Variants in C1orf52 observed in about 807,000 individuals in gnomAD.
C1orf52 encodes the protein chromosome 1 open reading frame 52, also known as UPF0690 protein C1orf52.
Under a neutral mutation model 17.2 loss-of-function variants are expected in C1orf52, and 5 were observed. That is an observed-to-expected ratio of 0.29 (90% CI 0.15 to 0.61). The LOEUF is 0.61. C1orf52 is among the 20% of genes least tolerant of loss of function. C1orf52 has a pLI of 0.85. For synonymous variants in C1orf52, 110 were observed against 88.0 expected (o/e 1.25, Z -1.40); for missense variants, 245 against 234.1 (o/e 1.05, Z -0.30).
At chr1:85,259,076 G>GT in intron 1 of C1orf52, 1 of 1,345,474 alleles carries the variant, frequency 7.4e-7, no homozygotes, top group Non-Finnish European at 9.6e-7. Flanking sequence ...AGCGGGGGGG[G>GT]CGGGGGAGTC....
intron 2 of C1orf52, among the ~76,000 whole-genome samples, chr1:85,256,798 CAAAAAAAA>C (rs1159075154): frequency 2.1e-5 from 2 of 93,750 alleles, no homozygotes; most frequent in African/African-American, 4.0e-5. Flanking sequence ...GACTCCGCCT[CAAAAAAAA>C]AAAAAAAAAA....
At chr1:85,256,812 A>AG (rs1390971944) in intron 2 of C1orf52, among the ~76,000 whole-genome samples, 11 of 148,066 alleles carry the variant, frequency 7.4e-5, no homozygotes, top group African/African-American at 1.7e-4. Context: ...AAAAAAAAAA[A>AG]AAAAAAGAAA....
Position 85,252,425 on chromosome 1 carries a change from A to G in C1orf52, c.*204T>C. On this transcript the variant is annotated 3_prime_UTR_variant, in exon 3 of 3. Transcript: ENST00000471115. ...CAAGTGTTATCAATTTCACAATCAC[A>G]AGTCACCAGTTGAGTTTTAAATACA... 1 of 490,544 alleles carries G rather than the reference A, an allele frequency of 2.0e-6. No homozygotes were observed. 30.4% of individuals were successfully genotyped at this position (490,544 alleles called of 1,614,324 possible). A position where few individuals can be genotyped will look rare whatever the true frequency, so the allele number is the denominator to read the frequency against.
intron 2 of C1orf52, among the ~76,000 whole-genome samples, chr1:85,258,184 T>C (rs11811123): frequency 4.0e-3 from 605 of 152,182 alleles, no homozygotes; most frequent in African/African-American, 0.014. Flanking sequence ...CAGTACTTTG[T>C]AGCTACAGTC....
chr1:85,259,614 T>G lies in C1orf52; in HGVS notation c.20A>C (p.Asp7Ala), dbSNP rs1279956782. 3.5e-5 allele frequency: 54 copies of G among 1,565,056 alleles called. No individual in the cohort carries two copies. The highest frequency in any genetic ancestry group is 3.4e-5 in the Non-Finnish European group (39 of 1,155,108). MAAEEK[D>A]PLSYFAAYGS... is the part of the protein sequence containing the mutation. ...GTATGCCGCAAAATAGCTCAGAGGG[T>G]CCTTCTCCTCCGCTGCCATGACGGC... Residue 7 changes from aspartate to alanine, a missense_variant, in exon 1 of 3, where the codon GAC (aspartate) becomes GCC (alanine). Asp to Ala is a moderately radical substitution (Grantham distance 126). Coordinates refer to ENST00000471115, the MANE Select transcript of C1orf52 (RefSeq NM_198077.4).
rs1436175950 is a variant in C1orf52 at position 85,250,575 on chromosome 1, G to A, written c.*2054C>T. 1 of 152,166 alleles carries A rather than the reference G, an allele frequency of 6.6e-6. No individual in the cohort carries two copies. Among genetic ancestry groups the A allele is most frequent in the Non-Finnish European group, 1.5e-5 (1 of 68,034 alleles). 9.4% of individuals were successfully genotyped at this position (152,166 alleles called of 1,614,324 possible). A position where few individuals can be genotyped will look rare whatever the true frequency, so the allele number is the denominator to read the frequency against. ...AGATACAAATGGCTGAGTCAGACTT[G>A]CTCCAAAATATTTAGCCTCTTCCCT... is the stretch of plus-strand genomic sequence containing the variant. On this transcript the variant is annotated 3_prime_UTR_variant, in exon 3 of 3. Transcript: ENST00000471115.
At chr1:85,255,780 A>G (rs1407465473) in intron 2 of C1orf52, among the ~76,000 whole-genome samples, 2 of 69,818 alleles carry the variant, frequency 2.9e-5, no homozygotes, top group African/African-American at 1.2e-4. Flanking sequence ...CTAAAAAATT[A>G]TGACATAATT....
At position 85,252,520 on chromosome 1, in the gene C1orf52, C is replaced by T. The variant is rs897709254; in HGVS notation, c.*109G>A. ...GAGGCAATACTTATTAGTTCATTAA[C>T]GTATGCATTTTCATGGAGATGTGGC... On this transcript the variant is annotated 3_prime_UTR_variant, in exon 3 of 3. Coordinates refer to ENST00000471115, the MANE Select transcript of C1orf52 (RefSeq NM_198077.4). The T allele has an allele frequency of 5.6e-5, 46 of 825,556 alleles. 1 individual carries two copies. In the Admixed American group the frequency reaches 8.1e-4, roughly 14 times the overall value. The allele number at this position is 825,556 out of a possible 1,614,324, so 51.1% of individuals were successfully genotyped here.
chr1:85,252,553 C>T lies in C1orf52; in HGVS notation c.*76G>A. 1 of 1,208,050 alleles carries T rather than the reference C, an allele frequency of 8.3e-7. No homozygotes were observed. Among genetic ancestry groups the T allele is most frequent in the Non-Finnish European group, 1.2e-6 (1 of 824,286 alleles). 74.8% of individuals were successfully genotyped at this position (1,208,050 alleles called of 1,614,324 possible). On this transcript the variant is annotated 3_prime_UTR_variant, in exon 3 of 3. Coordinates refer to ENST00000471115, the MANE Select transcript of C1orf52 (RefSeq NM_198077.4). Reference sequence around the variant, plus strand: ...TTTTCATGGAGATGTGGCATAATAACCCACAATATCAACTTAATCTGTCCA... The same window carrying T: ...TTTTCATGGAGATGTGGCATAATAATCCACAATATCAACTTAATCTGTCCA...
chr1:85,250,658 A>G lies in C1orf52; in HGVS notation c.*1971T>C, dbSNP rs1049861598. 6.6e-6 allele frequency: 1 copy of G among 152,330 alleles called. No homozygotes were observed. The highest frequency in any genetic ancestry group is 1.9e-4 in the East Asian group (1 of 5,186). The allele number at this position is 152,330 out of a possible 1,614,324, so 9.4% of individuals were successfully genotyped here. A position where few individuals can be genotyped will look rare whatever the true frequency, so the allele number is the denominator to read the frequency against. On this transcript the variant is annotated 3_prime_UTR_variant, in exon 3 of 3. Transcript: ENST00000471115. The stretch of plus-strand genomic sequence containing the variant: ...TGCACATCTCCCAGGAAAGAGAGAA[A>G]AAAGTTTGCTTTCATGCTAACTTAA...
intron 2 of C1orf52, among the ~76,000 whole-genome samples, chr1:85,254,798 C>G (rs1475925839): frequency 6.6e-6 from 1 of 152,210 alleles, no homozygotes. Flanking sequence ...ATTCACTATG[C>G]ATTAGCATAC....
At chr1:85,252,804 C>A in intron 2 of C1orf52, 102 bp from the exon 3 acceptor site, 1 of 686,148 alleles carries the variant, frequency 1.5e-6, no homozygotes, top group South Asian at 1.9e-5. Context: ...TTACCCTCAT[C>A]AATTAATGTT....
chr1:85,256,398 G>C (rs1250329380), intron 2 of C1orf52, among the ~76,000 whole-genome samples: 3 of 152,168 alleles, frequency 2.0e-5, no homozygotes, highest in African/African-American at 7.2e-5. Flanking sequence ...GCATTTTCTA[G>C]TTTGTGACCT....
intron 2 of C1orf52, among the ~76,000 whole-genome samples, chr1:85,258,259 G>C (rs1385226109): frequency 1.3e-5 from 2 of 152,070 alleles, no homozygotes; most frequent in Non-Finnish European, 1.5e-5. Flanking sequence ...CACTGGATGA[G>C]ATATCAGATA....
intron 2 of C1orf52, among the ~76,000 whole-genome samples, chr1:85,256,798 C>CAAAAAAA (rs1159075154): frequency 1.1e-5 from 1 of 93,738 alleles, no homozygotes; most frequent in Admixed American, 1.2e-4. Flanking sequence ...GACTCCGCCT[C>CAAAAAAA]AAAAAAAAAA....
chr1:85,259,190 G>A (rs1465216796), intron 1 of C1orf52, 168 bp downstream of exon 1: 7 of 1,126,020 alleles, frequency 6.2e-6, no homozygotes, highest in Non-Finnish European at 8.6e-6. Flanking sequence ...CCCACCAGGC[G>A]GGGAGAGGGG....
rs1483556293 is a variant in C1orf52, at chr1:85,259,404, T to C, written c.230A>G (p.Asn77Ser). 1 of 1,613,912 alleles carries C rather than the reference T, an allele frequency of 6.2e-7. No homozygotes were observed. Among genetic ancestry groups the C allele is most frequent in the Non-Finnish European group, 8.5e-7 (1 of 1,179,990 alleles). Reference sequence around the variant, plus strand: ...GTGCCTCTCCCAGTCTATCTGTTTGTTGAGCGGATTGTAGAGAAAGGCCGG... The same window carrying C: ...GTGCCTCTCCCAGTCTATCTGTTTGCTGAGCGGATTGTAGAGAAAGGCCGG... The part of the protein sequence containing the change: ...TRPAFLYNPL[N>S]KQIDWERHVV... The change falls in exon 1 of 3, where the codon AAC (asparagine) becomes AGC (serine). Residue 77 changes from asparagine to serine, a missense_variant. Asn to Ser is a conservative substitution (Grantham distance 46, BLOSUM62 1). Coordinates refer to ENST00000471115, the MANE Select transcript of C1orf52 (RefSeq NM_198077.4).
chr1:85,256,798 C>CAAAAAA (rs1159075154), intron 2 of C1orf52, among the ~76,000 whole-genome samples: 10 of 93,720 alleles, frequency 1.1e-4, no homozygotes, highest in South Asian at 3.8e-4. Context: ...GACTCCGCCT[C>CAAAAAA]AAAAAAAAAA....
chr1:85,259,632 ATGAC>A lies in C1orf52; in HGVS notation c.-3_1del. 1 of 1,547,932 alleles carries A rather than the reference ATGAC, an allele frequency of 6.5e-7. No homozygotes were observed. Among genetic ancestry groups the A allele is most frequent in the Non-Finnish European group, 8.7e-7 (1 of 1,144,288 alleles). ...CAGAGGGTCCTTCTCCTCCGCTGCC[ATGAC>A]GGCTGCGAGCGACAACCCAGCACTC... is the stretch of plus-strand genomic sequence containing the variant. On this transcript the variant is annotated start_lost and 5_prime_UTR_variant, in exon 1 of 3. Coordinates refer to ENST00000471115, the MANE Select transcript of C1orf52 (RefSeq NM_198077.4).
Sources: gnomAD v4.1 joint callset for allele counts (sites outside exome capture counted in the v4.1 genomes callset) on GRCh38, gnomAD v4.1.1 for gene constraint, MANE v1.5 for transcripts, NCBI Gene and HGNC (gene_info 2026-07-23, HGNC 2026-07-21) for gene names.